Variants in TOGARAM1 observed in about 807,000 individuals in gnomAD.
TOGARAM1 encodes the protein TOG array regulator of axonemal microtubules protein 1.
Under a neutral mutation model 166.6 loss-of-function variants are expected in TOGARAM1, and 100 were observed. The ratio of observed to expected loss-of-function variants is 0.60; its 90% CI spans 0.51 to 0.71. The LOEUF is 0.71. TOGARAM1 is among the 30% of genes least tolerant of loss of function. TOGARAM1 has a pLI of 0.00. For synonymous variants in TOGARAM1, 758 were observed against 763.8 expected, an observed-to-expected ratio of 0.99 and a Z score of 0.13; for missense variants, 2,029 against 2,102.7, an observed-to-expected ratio of 0.96 and a Z score of 0.69.
At position 45,074,239 on chromosome 14, in the gene TOGARAM1, G is replaced by A. The variant is rs1300906353; in HGVS notation, c.*678G>A. 6.6e-6 allele frequency: 1 copy of A among 152,472 alleles called. No homozygotes were observed. The highest frequency in any genetic ancestry group is 1.5e-5 in the Non-Finnish European group (1 of 67,998). 9.4% of individuals were successfully genotyped at this position (152,472 alleles called of 1,614,324 possible). A position where few individuals can be genotyped will look rare whatever the true frequency, so the allele number is the denominator to read the frequency against. On this transcript the variant is annotated 3_prime_UTR_variant, in exon 20 of 20. Transcript: ENST00000361462. ...TGTTGAATGTAACCCCCCTATTTTT[G>A]TGTGCAAACACTAAATTTTATTGCT...
chr14:45,021,686 G>C (rs535127101), intron 7 of TOGARAM1, among the ~76,000 whole-genome samples: 2 of 152,198 alleles, frequency 1.3e-5, no homozygotes, highest in South Asian at 4.1e-4. Flanking sequence ...CCGCGGTTGG[G>C]GTAGATAAAA....
At chr14:45,044,477 G>A (rs1247032449) in intron 12 of TOGARAM1, among the ~76,000 whole-genome samples, 158 bp from the exon 13 acceptor site, 2 of 151,252 alleles carry the variant, frequency 1.3e-5, no homozygotes, top group African/African-American at 4.9e-5. Context: ...GGAGGCAGAG[G>A]TTACAGTGAG....
chr14:45,016,817 C>T (rs1880171513), intron 7 of TOGARAM1, among the ~76,000 whole-genome samples: 1 of 152,108 alleles, frequency 6.6e-6, no homozygotes, highest in African/African-American at 2.4e-5. Context: ...GATAAAACTT[C>T]AAAAAGTACT....
chr14:45,068,008 C>T (rs1256337089), intron 17 of TOGARAM1, among the ~76,000 whole-genome samples: 1 of 152,062 alleles, frequency 6.6e-6, no homozygotes, highest in Non-Finnish European at 1.5e-5. Flanking sequence ...GGTTAAATCT[C>T]CACAGTAAAA....
chr14:45,010,183 C>A (rs1047125354), intron 6 of TOGARAM1, among the ~76,000 whole-genome samples: 1 of 135,246 alleles, frequency 7.4e-6, no homozygotes, highest in African/African-American at 3.6e-5. Context: ...CTAAATAGAT[C>A]ATAATGTTTT....
chr14:44,984,306 T>C (rs376412610), intron 1 of TOGARAM1, among the ~76,000 whole-genome samples: 3 of 152,032 alleles, frequency 2.0e-5, no homozygotes, highest in East Asian at 3.9e-4. Flanking sequence ...AATAATAATA[T>C]TAAAAATATA....
chr14:45,019,564 C>G (rs1880369886), intron 7 of TOGARAM1, among the ~76,000 whole-genome samples: 1 of 152,148 alleles, frequency 6.6e-6, no homozygotes, highest in African/African-American at 2.4e-5. Flanking sequence ...CCGTTGCCAG[C>G]TCGAATGCCT....
intron 1 of TOGARAM1, among the ~76,000 whole-genome samples, chr14:44,967,937 G>A (rs182186245): frequency 6.6e-6 from 1 of 151,966 alleles, no homozygotes; most frequent in African/African-American, 2.4e-5. Context: ...TTTTTTTAAG[G>A]CATTACTCTT....
chr14:44,971,626 G>T (rs909437026), intron 1 of TOGARAM1, among the ~76,000 whole-genome samples: 9 of 151,850 alleles, frequency 5.9e-5, no homozygotes, highest in Non-Finnish European at 1.3e-4. Flanking sequence ...AGTTTCCTAG[G>T]ATGTGCACTT....
At chr14:45,036,139 A>G (rs905985405) in intron 11 of TOGARAM1, among the ~76,000 whole-genome samples, 123 of 150,330 alleles carry the variant, frequency 8.2e-4, no homozygotes, top group South Asian at 6.2e-4. Flanking sequence ...CTAAAAAAAA[A>G]AAAAAAAAAA....
intron 16 of TOGARAM1, among the ~76,000 whole-genome samples, chr14:45,063,407 T>C (rs911292591): frequency 6.6e-6 from 1 of 152,088 alleles, no homozygotes; most frequent in African/African-American, 2.4e-5. Flanking sequence ...GTAAAAGGGT[T>C]CAATTTTTTC....
chr14:44,967,042 AT>A (rs1385854403), intron 1 of TOGARAM1, among the ~76,000 whole-genome samples: 1 of 151,886 alleles, frequency 6.6e-6, no homozygotes, highest in African/African-American at 2.4e-5. Context: ...GGAATCAGCC[AT>A]TTTTTTCAGA....
intron 1 of TOGARAM1, among the ~76,000 whole-genome samples, chr14:44,977,231 C>CTTTTTTTTTTTTTTTTTTTTTTT (rs397707333): frequency 2.4e-5 from 3 of 123,320 alleles, no homozygotes; most frequent in African/African-American, 6.1e-5. Flanking sequence ...ATTAGACAGA[C>CTTTTTTTTTTTTTTTTTTTTTTT]TTTTTTTTTT....
chr14:45,027,507 T>G, intron 9 of TOGARAM1, 33 bp downstream of exon 9: 1 of 1,534,050 alleles, frequency 6.5e-7, no homozygotes, highest in Non-Finnish European at 8.9e-7. Context: ...AGAATAAATT[T>G]AAGCTTACAG....
intron 10 of TOGARAM1, among the ~76,000 whole-genome samples, chr14:45,031,191 C>T (rs1357637144): frequency 6.6e-6 from 1 of 152,122 alleles, no homozygotes; most frequent in Non-Finnish European, 1.5e-5. Flanking sequence ...CTAATATTTC[C>T]TTTCTAAAAA....
At chr14:44,969,368 G>C (rs996367536) in intron 1 of TOGARAM1, among the ~76,000 whole-genome samples, 6 of 151,890 alleles carry the variant, frequency 4.0e-5, no homozygotes, top group African/African-American at 9.7e-5. Context: ...GGCCAGGCTG[G>C]TCTTGAACTC....
Position 45,046,547 on chromosome 14 carries a change from A to G in TOGARAM1, c.4157A>G (p.His1386Arg), listed in dbSNP as rs1882076334. 1 of 1,303,918 alleles carries G rather than the reference A, an allele frequency of 7.7e-7. No homozygotes were observed. Among genetic ancestry groups the G allele is most frequent in the Non-Finnish European group, 9.8e-7 (1 of 1,017,338 alleles). 80.8% of individuals were successfully genotyped at this position (1,303,918 alleles called of 1,614,324 possible). A position where few individuals can be genotyped will look rare whatever the true frequency, so the allele number is the denominator to read the frequency against. ...TAATTGATCATGTCTCCTTGTAGCCATTTACACATTGCTGTAAGAAGGTGT... is the reference window on the plus strand; with the variant it reads ...TAATTGATCATGTCTCCTTGTAGCCGTTTACACATTGCTGTAAGAAGGTGT... ...VVSLINGGQSHLHIAVRRCTA... is the reference protein window; with the variant it reads ...VVSLINGGQSRLHIAVRRCTA... The change falls in exon 14 of 20, where the codon CAT becomes CGT. Residue 1386 changes from histidine to arginine, a missense_variant and splice_region_variant. Physicochemically the swap from His to Arg is conservative, Grantham distance 29. Coordinates refer to ENST00000361462, the MANE Select transcript of TOGARAM1 (RefSeq NM_001308120.2).
intron 9 of TOGARAM1, among the ~76,000 whole-genome samples, chr14:45,027,887 A>C (rs1312639334): frequency 6.6e-6 from 1 of 152,064 alleles, no homozygotes; most frequent in Admixed American, 6.5e-5. Flanking sequence ...AAAAAAAAAA[A>C]AGAAATTTTG....
chr14:45,051,553 CTTTTTTTTTT>C (rs1015760925), intron 14 of TOGARAM1, among the ~76,000 whole-genome samples: 3 of 90,044 alleles, frequency 3.3e-5, no homozygotes, highest in Admixed American at 1.3e-4. Flanking sequence ...CCAACAGATG[CTTTTTTTTTT>C]TTTTTTTTTT....
Sources: allele counts gnomAD v4.1 joint callset (sites outside exome capture counted in the v4.1 genomes callset), GRCh38; gene constraint gnomAD v4.1.1; transcripts MANE v1.5; gene names NCBI Gene and HGNC (gene_info 2026-07-23, HGNC 2026-07-21).